The following SAMD11 variants were observed in gnomAD, a reference collection of about 807,000 sequenced individuals.
SAMD11 encodes sterile alpha motif domain containing 11.
In SAMD11, 77 loss-of-function variants were observed where a neutral mutation model predicts 64.4. That is an observed-to-expected ratio of 1.20 (90% confidence interval 0.99 to 1.44). The LOEUF (loss-of-function observed/expected upper bound fraction) is 1.44, where lower values mean the gene tolerates loss of function less well. Among genes scored for constraint, SAMD11 ranks in the 40% most tolerant of loss-of-function variants. SAMD11 has a pLI of 0.00. For synonymous variants in SAMD11, 658 were observed against 421.9 expected (o/e 1.56, Z -6.86); for missense variants, 1,402 against 943.3 (o/e 1.49, Z -6.37).
rs1226380542 is a variant in SAMD11 at position 942,860 on chromosome 1, T to C, written c.1855T>C (p.Trp619Arg). 3 of 1,553,204 alleles carry C rather than the reference T, an allele frequency of 1.9e-6. No homozygotes were observed. Among genetic ancestry groups the C allele is most frequent in the Non-Finnish European group, 2.6e-6 (3 of 1,148,520 alleles). Residue 619 changes from tryptophan to arginine, a missense_variant, in exon 11 of 14, where the codon TGG becomes CGG. Coordinates refer to ENST00000616016, the MANE Select transcript of SAMD11 (RefSeq NM_001385641.1). ...CAAGGAGATGACGGGGGCTAGGCTCTGGGCACAAGATGGCTCGGAAGACGA... is the reference window on the plus strand; with the variant it reads ...CAAGGAGATGACGGGGGCTAGGCTCCGGGCACAAGATGGCTCGGAAGACGA... ...ESKEMTGARLWAQDGSEDEPP... is the reference protein window; with the variant it reads ...ESKEMTGARLRAQDGSEDEPP...
Position 935,482 on chromosome 1 carries a change from C to T in SAMD11, c.843-290C>T, listed in dbSNP as rs982811989. On this transcript the variant is annotated intron_variant, in intron 4 of 13. Coordinates refer to ENST00000616016, the MANE Select transcript of SAMD11 (RefSeq NM_001385641.1). ...CAGGGAGTGAGATAACTGTGATTCC[C>T]TGTGGAGGGCGTGAAGGCAGAGCCG... 3.9e-5 allele frequency among the ~76,000 whole-genome samples: 6 copies of T among 152,144 alleles called. No individual in the cohort carries two copies. The South Asian group carries it at 1.0e-3, about 26-fold the overall frequency.
rs537257169 is a variant in SAMD11 at position 944,433 on chromosome 1, C to T, written c.*280C>T. The T allele has an allele frequency of 2.9e-6, 3 of 1,023,370 alleles. No homozygotes were observed. Among genetic ancestry groups the T allele is most frequent in the Admixed American group, 7.3e-5 (2 of 27,324 alleles). 63.4% of individuals were successfully genotyped at this position (1,023,370 alleles called of 1,614,324 possible). A position where few individuals can be genotyped will look rare whatever the true frequency, so the allele number is the denominator to read the frequency against. ...CCCTGGAACTGGGACTGGTCTCGGT[C>T]TGCTGACGTCAGGGTCAGCTCCCCC... On this transcript the variant is annotated 3_prime_UTR_variant, in exon 14 of 14. Coordinates refer to ENST00000616016, the MANE Select transcript of SAMD11 (RefSeq NM_001385641.1).
intron 5 of SAMD11, among the ~76,000 whole-genome samples, chr1:936,797 G>A (rs1007806163): frequency 9.2e-5 from 14 of 152,180 alleles, no homozygotes; most frequent in African/African-American, 1.7e-4. Context: ...CTGATGCCGC[G>A]TTGGAGACAG....
chr1:936,927 C>T (rs1641486307), intron 5 of SAMD11, among the ~76,000 whole-genome samples: 1 of 152,204 alleles, frequency 6.6e-6, no homozygotes, highest in Non-Finnish European at 1.5e-5. Flanking sequence ...ACAGGGAGAC[C>T]TCCTCAGGTA....
intron 5 of SAMD11, 25 bp from the exon 6 acceptor site, chr1:939,015 G>A (rs1457512343): frequency 1.9e-6 from 3 of 1,571,442 alleles, no homozygotes; most frequent in Non-Finnish European, 2.6e-6. Flanking sequence ...TGAGATGCAG[G>A]TGGGCACTCA....
At position 942,813 on chromosome 1, in the gene SAMD11, C is replaced by G. The variant is rs566827243; in HGVS notation, c.1808C>G (p.Ala603Gly). 2 of 1,547,702 alleles carry G rather than the reference C, an allele frequency of 1.3e-6. No individual in the cohort carries two copies. Among genetic ancestry groups the G allele is most frequent in the South Asian group, 2.4e-5 (2 of 83,876 alleles). The change falls in exon 11 of 14, where the codon GCC becomes GGC. Residue 603 changes from alanine to glycine, a missense_variant. Ala to Gly is a moderately conservative substitution (Grantham distance 60). Transcript: ENST00000616016. The part of the protein sequence containing the change: ...RAPRKGGPGP[A>G]SARPSESKEM... ...CCCCGGAAGGGGGGTCCCGGCCCTG[C>G]CTCAGCGCGGCCCAGCGAGTCCAAG...
rs1447967903 is a variant in SAMD11 at position 926,149 on chromosome 1, G to A, written c.609+136G>A. 4.8e-6 allele frequency: 4 copies of A among 827,778 alleles called. No homozygotes were observed. The African/African-American group carries it at 5.1e-5, about 10-fold the overall frequency. The allele number at this position is 827,778 out of a possible 1,614,324, so 51.3% of individuals were successfully genotyped here. ...TGCTGGAGGGAGCCTCCGAAGGGCA[G>A]GGGGAAGCGGCTTTACCTCGTGCTC... On this transcript the variant is annotated intron_variant, in intron 2 of 13. Transcript: ENST00000616016.
At chr1:932,114 C>A (rs1290977586) in intron 4 of SAMD11, among the ~76,000 whole-genome samples, 2 of 152,354 alleles carry the variant, frequency 1.3e-5, no homozygotes, top group East Asian at 3.9e-4. Context: ...CATCTTTAAA[C>A]TTATTTCTAC....
At position 944,156 on chromosome 1, in the gene SAMD11, T is replaced by G. The variant is rs1642006979; in HGVS notation, c.*3T>G. 1 of 1,542,312 alleles carries G rather than the reference T, an allele frequency of 6.5e-7. No individual in the cohort carries two copies. The highest frequency in any genetic ancestry group is 8.7e-7 in the Non-Finnish European group (1 of 1,143,084). On this transcript the variant is annotated 3_prime_UTR_variant, in exon 14 of 14. Transcript: ENST00000616016. ...ACCCTTCCCAGCCTCTGTGTTGAGG[T>G]TGCCGGGGGTAGGGGTGGGGCCACA...
intron 4 of SAMD11, among the ~76,000 whole-genome samples, chr1:933,949 A>G (rs998767403): frequency 6.6e-6 from 1 of 151,708 alleles, no homozygotes; most frequent in Admixed American, 6.6e-5. Flanking sequence ...CTCCTAGGTC[A>G]CTGCGCAGGA....
intron 2 of SAMD11, among the ~76,000 whole-genome samples, chr1:928,119 T>G (rs28718350): frequency 6.6e-6 from 1 of 151,744 alleles, no homozygotes; most frequent in Admixed American, 6.6e-5. Context: ...GGAGGCCGGG[T>G]GTGGTGGCGC....
Position 924,713 on chromosome 1 carries a change from C to T in SAMD11, c.282C>T (p.Arg94=), listed in dbSNP as rs1433084875. 2.2e-4 allele frequency: 33 copies of T among 152,172 alleles called. No individual in the cohort carries two copies. Among genetic ancestry groups the T allele is most frequent in the Admixed American group, 2.2e-3 (33 of 15,298 alleles). 9.4% of individuals were successfully genotyped at this position (152,172 alleles called of 1,614,324 possible). A position where few individuals can be genotyped will look rare whatever the true frequency, so the allele number is the denominator to read the frequency against. The change falls in exon 1 of 14, where the codon CGC becomes CGT. Residue 94 remains arginine, a synonymous_variant. Coordinates refer to ENST00000616016, the MANE Select transcript of SAMD11 (RefSeq NM_001385641.1). ...CCAGGGACCCGCTGGCCCTCGAGCG[C>T]TTCTCGGCCACCGCGGCCGCGGCCC... The part of the protein sequence containing the change: ...HLPRDPLALE[R]FSATAAAAPD...
intron 2 of SAMD11, among the ~76,000 whole-genome samples, chr1:928,115 C>T (rs1234116113): frequency 2.7e-4 from 41 of 152,236 alleles, no homozygotes; most frequent in South Asian, 8.3e-4. Flanking sequence ...GGTGGGAGGC[C>T]GGGTGTGGTG....
Position 942,730 on chromosome 1 carries a change from C to T in SAMD11, c.1725C>T (p.Pro575=), listed in dbSNP as rs758006081. 208 of 1,471,810 alleles carry T rather than the reference C, an allele frequency of 1.4e-4. No individual in the cohort carries two copies. The highest frequency in any genetic ancestry group is 1.8e-4 in the Non-Finnish European group (202 of 1,121,306). 91.2% of individuals were successfully genotyped at this position (1,471,810 alleles called of 1,614,324 possible). The change falls in exon 11 of 14, where the codon CCC becomes CCT. Residue 575 remains proline (P), a synonymous_variant. Transcript: ENST00000616016. ...HGAAPLLALP[P]QGPPGSGPPT... is the part of the protein sequence containing the mutation. ...CGGCGCCACTGCTGGCCCTGCCCCC[C>T]CAGGGGCCCCCGGGCTCCGGACCCC...
At chr1:937,762 G>C (rs930074530) in intron 5 of SAMD11, among the ~76,000 whole-genome samples, 1 of 152,236 alleles carries the variant, frequency 6.6e-6, no homozygotes, top group Non-Finnish European at 1.5e-5. Flanking sequence ...GGACCAGACC[G>C]TGGGACTGAC....
At chr1:943,162 C>T in intron 11 of SAMD11, 91 bp from the exon 12 acceptor site, 3 of 1,595,812 alleles carry the variant, frequency 1.9e-6, no homozygotes, top group South Asian at 2.3e-5. Flanking sequence ...GCACCCATCC[C>T]CCACCTCAGC....
chr1:930,961 C>G, intron 3 of SAMD11, 78 bp from the exon 4 acceptor site: 1 of 1,432,530 alleles, frequency 7.0e-7, no homozygotes, highest in Non-Finnish European at 9.8e-7. Flanking sequence ...CGAGACAGGT[C>G]TGCGCACGCC....
At position 944,409 on chromosome 1, in the gene SAMD11, C is replaced by G; in HGVS notation, c.*256C>G. 8.4e-7 allele frequency: 1 copy of G among 1,185,904 alleles called. No individual in the cohort carries two copies. 73.5% of individuals were successfully genotyped at this position (1,185,904 alleles called of 1,614,324 possible). A position where few individuals can be genotyped will look rare whatever the true frequency, so the allele number is the denominator to read the frequency against. On this transcript the variant is annotated 3_prime_UTR_variant, in exon 14 of 14. Coordinates refer to ENST00000616016, the MANE Select transcript of SAMD11 (RefSeq NM_001385641.1). ...GGGGCCAGGGGCCTGCAGGCCTCCC[C>G]CTGGAACTGGGACTGGTCTCGGTCT... is the stretch of plus-strand genomic sequence containing the variant.
In SAMD11 at chr1:941,258, A is replaced by G. The variant is rs753869577; in HGVS notation, c.1310A>G (p.Gln437Arg). ...AGQRRKQGLA[Q>R]HREGAAPAAA... ...CAGCGTCGGAAGCAGGGCCTGGCTC[A>G]GCACCGGGAGGGCGCCGCCCCAGCT... Residue 437 changes from glutamine to arginine, a missense_variant, in exon 8 of 14, where the codon CAG becomes CGG. Transcript: ENST00000616016. 3.3e-5 allele frequency: 53 copies of G among 1,600,786 alleles called. No homozygotes were observed. The highest frequency in any genetic ancestry group is 4.3e-5 in the Non-Finnish European group (51 of 1,174,334).
Sources: gnomAD v4.1 joint callset for allele counts (sites outside exome capture counted in the v4.1 genomes callset) on GRCh38, gnomAD v4.1.1 for gene constraint, MANE v1.5 for transcripts, NCBI Gene and HGNC (gene_info 2026-07-23, HGNC 2026-07-21) for gene names.